CACNB2: variants seen among roughly 807,000 people sequenced by gnomAD.
CACNB2 encodes calcium voltage-gated channel auxiliary subunit beta 2.
A neutral mutation model predicts 73.3 loss-of-function variants in CACNB2; 42 were observed. The observed-to-expected ratio is 0.57, with a 90% CI of 0.45 to 0.74. CACNB2 has a LOEUF of 0.74. Among genes scored for constraint, CACNB2 ranks in the 30% least tolerant of loss-of-function variants. The probability of loss-of-function intolerance (pLI) is 0.00; values close to 1 mark genes in which losing one functional copy is unlikely to be tolerated. For missense variants in CACNB2, 940 were observed against 853.0 expected (o/e 1.10, Z -1.27); for synonymous variants, 348 against 310.3 (o/e 1.12, Z -1.28).
intron 3 of CACNB2, among the ~76,000 whole-genome samples, chr10:18,470,576 C>G (rs28437427): frequency 0.23 from 34,735 of 151,518 alleles, 4,145 homozygotes; most frequent in South Asian, 0.31. Flanking sequence ...CTATATCTCT[C>G]ACCTTTCTAT....
chr10:18,296,372 A>G (rs767779502), intron 2 of CACNB2, among the ~76,000 whole-genome samples: 7 of 152,162 alleles, frequency 4.6e-5, no homozygotes, highest in Non-Finnish European at 7.4e-5. Flanking sequence ...ACAGGAAATC[A>G]TAGTGTGTCT....
intron 2 of CACNB2, among the ~76,000 whole-genome samples, chr10:18,398,827 T>G (rs142005410): frequency 2.6e-5 from 4 of 152,294 alleles, no homozygotes; most frequent in African/African-American, 9.6e-5. Flanking sequence ...TCACATCCTG[T>G]ATTATAAAAT....
intron 2 of CACNB2, among the ~76,000 whole-genome samples, chr10:18,389,738 A>G (rs2043382386): frequency 6.6e-6 from 1 of 152,220 alleles, no homozygotes; most frequent in Non-Finnish European, 1.5e-5. Context: ...GTGAAAGCCA[A>G]AAACTATCAA....
intron 2 of CACNB2, among the ~76,000 whole-genome samples, chr10:18,388,566 T>C (rs982015238): frequency 6.6e-6 from 1 of 152,156 alleles, no homozygotes; most frequent in Non-Finnish European, 1.5e-5. Context: ...ATATTAAGTC[T>C]CTCTGAACCA....
At chr10:18,469,324 G>A (rs1449192836) in intron 3 of CACNB2, among the ~76,000 whole-genome samples, 1 of 152,164 alleles carries the variant, frequency 6.6e-6, no homozygotes, top group Admixed American at 6.5e-5. Context: ...CATCGCCATT[G>A]GATGGGTTGG....
intron 2 of CACNB2, among the ~76,000 whole-genome samples, chr10:18,162,475 T>C (rs2032539139): frequency 6.6e-6 from 1 of 152,182 alleles, no homozygotes; most frequent in Non-Finnish European, 1.5e-5. Context: ...CTGAAGAACA[T>C]TGTTTACTCT....
rs1485816356 is a variant in CACNB2, at chr10:18,543,409, T to C, written c.*3685T>C. 3.9e-5 allele frequency: 6 copies of C among 152,242 alleles called. No individual in the cohort carries two copies. 9.4% of individuals were successfully genotyped at this position (152,242 alleles called of 1,614,324 possible). On this transcript the variant is annotated 3_prime_UTR_variant, in exon 14 of 14. Coordinates refer to ENST00000324631, the MANE Select transcript of CACNB2 (RefSeq NM_201596.3). ...CAAGAGTTTAATTTCTGCTGCGCTG[T>C]ACTTTTAACTATTTGTACTTTGCTT...
chr10:18,152,412 G>T (rs991281910), intron 2 of CACNB2, among the ~76,000 whole-genome samples: 2 of 152,086 alleles, frequency 1.3e-5, no homozygotes, highest in Non-Finnish European at 2.9e-5. Context: ...GCCACGTGAG[G>T]CTCAACCCTA....
At chr10:18,514,194 TTCCTC>T in intron 6 of CACNB2, 37 bp from the exon 7 acceptor site, 1 of 1,608,502 alleles carries the variant, frequency 6.2e-7, no homozygotes, top group Non-Finnish European at 8.5e-7. Flanking sequence ...TAACCTATTT[TTCCTC>T]TCCTGTCCAC....
chr10:18,518,491 CCT>C (rs1313336184), intron 8 of CACNB2, 75 bp downstream of exon 8: 4 of 1,026,652 alleles, frequency 3.9e-6, no homozygotes, highest in South Asian at 2.5e-5. Flanking sequence ...TACTCCCGAC[CCT>C]CTCTCTGAAT....
intron 2 of CACNB2, among the ~76,000 whole-genome samples, chr10:18,389,591 A>G (rs2043375905): frequency 6.6e-6 from 1 of 152,248 alleles, no homozygotes; most frequent in Non-Finnish European, 1.5e-5. Context: ...AAGGTTATCT[A>G]ATAGTCTACT....
rs543723150 is a variant in CACNB2, at chr10:18,477,863, A to T, written c.334-20492A>T. Among the ~76,000 whole-genome samples the T allele has an allele frequency of 2.0e-5, 3 of 152,308 alleles. No homozygotes were observed. The South Asian group carries it at 6.2e-4, about 32-fold the overall frequency. ...TCTGCTTAGGAACAAAAGGGAAGGCAACTTCTTGCATGGCTCAGCTTTCAG... is the reference window on the plus strand; with the variant it reads ...TCTGCTTAGGAACAAAAGGGAAGGCTACTTCTTGCATGGCTCAGCTTTCAG... On this transcript the variant is annotated intron_variant, in intron 3 of 13. Coordinates refer to ENST00000324631, the MANE Select transcript of CACNB2 (RefSeq NM_201596.3).
chr10:18,505,662 C>G (rs1564628380), intron 5 of CACNB2, among the ~76,000 whole-genome samples: 1 of 152,032 alleles, frequency 6.6e-6, no homozygotes. Flanking sequence ...GTAAAATGTT[C>G]TTCTTATCTT....
Position 18,514,353 on chromosome 10 carries a change from T to A in CACNB2, c.788T>A (p.Met263Lys). The change falls in exon 7 of 14, where the codon ATG becomes AAG. Residue 263 changes from methionine (M) to lysine (K), a missense_variant. Transcript: ENST00000324631. ...VTSPHSKEKRMPFFKKTEHTP... is the reference protein window; with the variant it reads ...VTSPHSKEKRKPFFKKTEHTP... ...TCACCCCACTCCAAAGAGAAAAGAA[T>A]GCCCTTCTTTAAGAAGGTAACATTA... The A allele has an allele frequency of 6.2e-7, 1 of 1,614,136 alleles. No individual in the cohort carries two copies. Among genetic ancestry groups the A allele is most frequent in the Non-Finnish European group, 8.5e-7 (1 of 1,179,992 alleles).
chr10:18,479,615 G>A (rs923364058), intron 3 of CACNB2, among the ~76,000 whole-genome samples: 1 of 152,146 alleles, frequency 6.6e-6, no homozygotes, highest in Admixed American at 6.5e-5. Flanking sequence ...TGGATCATGG[G>A]GGTGGATTTC....
At chr10:18,516,654 ATTC>A (rs1444465169) in intron 7 of CACNB2, among the ~76,000 whole-genome samples, 10 of 152,366 alleles carry the variant, frequency 6.6e-5, no homozygotes, top group African/African-American at 2.2e-4. Flanking sequence ...ACTGGTATTC[ATTC>A]TTCTTATGTT....
rs141860267 is a variant in CACNB2, at chr10:18,434,621, G to A, written c.333+32578G>A. Among the ~76,000 whole-genome samples, 141 of 152,106 alleles carry A rather than the reference G, an allele frequency of 9.3e-4. 1 individual carries two copies. The highest frequency in any genetic ancestry group is 3.1e-3 in the African/African-American group (128 of 41,494). On this transcript the variant is annotated intron_variant, in intron 3 of 13. Coordinates refer to ENST00000324631, the MANE Select transcript of CACNB2 (RefSeq NM_201596.3). The stretch of plus-strand genomic sequence containing the variant: ...TTGCTAGGTTGCCTAGGCTGGTCTC[G>A]AACTTCTGGGCTCAAACAATCCACC...
Position 18,317,744 on chromosome 10 carries a change from C to T in CACNB2, c.214-84180C>T, listed in dbSNP as rs181616090. Among the ~76,000 whole-genome samples, 140 of 152,218 alleles carry T rather than the reference C, an allele frequency of 9.2e-4. 1 individual carries two copies. In the Middle Eastern group the frequency reaches 0.01, roughly 11 times the overall value. ...AGAATGATATGACCCTAAGGAACAT[C>T]CATTCTTTCTTGAAAATTTCTGACA... On this transcript the variant is annotated intron_variant, in intron 2 of 13. Transcript: ENST00000324631.
At chr10:18,304,422 G>T (rs979935321) in intron 2 of CACNB2, among the ~76,000 whole-genome samples, 27 of 152,178 alleles carry the variant, frequency 1.8e-4, no homozygotes, top group African/African-American at 5.3e-4. Flanking sequence ...TTTAAGAAAG[G>T]TATTAAATAC....
Sources: allele counts gnomAD v4.1 joint callset (sites outside exome capture counted in the v4.1 genomes callset), GRCh38; gene constraint gnomAD v4.1.1; transcripts MANE v1.5; gene names NCBI Gene and HGNC (gene_info 2026-07-23, HGNC 2026-07-21).